The following MTUS1 variants were observed in gnomAD, a reference collection of about 807,000 sequenced individuals.
The protein encoded by MTUS1 is microtubule associated scaffold protein 1.
Under a neutral mutation model 120.8 loss-of-function variants are expected in MTUS1, and 109 were observed. That is an observed-to-expected ratio of 0.90 (90% CI 0.77 to 1.06). MTUS1 has a LOEUF of 1.06. Among genes scored for constraint, MTUS1 ranks in the 50% least tolerant of loss-of-function variants. The probability of loss-of-function intolerance (pLI) is 0.00; values close to 1 mark genes in which losing one functional copy is unlikely to be tolerated. For synonymous variants in MTUS1, 737 were observed against 550.5 expected (o/e 1.34, Z -4.74); for missense variants, 2,210 against 1,486.3 (o/e 1.49, Z -8.01).
intron 1 of MTUS1, among the ~76,000 whole-genome samples, chr8:17,798,803 T>C (rs994638654): frequency 2.0e-5 from 3 of 152,202 alleles, no homozygotes; most frequent in African/African-American, 7.2e-5. Context: ...GGGAAAAGTA[T>C]CTGCAATATG....
At chr8:17,704,856 G>T (rs1388813568) in intron 6 of MTUS1, among the ~76,000 whole-genome samples, 1 of 152,000 alleles carries the variant, frequency 6.6e-6, no homozygotes, top group Non-Finnish European at 1.5e-5. Flanking sequence ...TCTTTGGGTG[G>T]TATGTCCATT....
At chr8:17,692,657 T>C (rs55895639) in intron 6 of MTUS1, among the ~76,000 whole-genome samples, 32,086 of 151,942 alleles carry the variant, frequency 0.21, 3,718 homozygotes, top group East Asian at 0.31. Context: ...AAACAACAGA[T>C]GGGGGTCTAA....
intron 1 of MTUS1, among the ~76,000 whole-genome samples, chr8:17,784,298 T>TG (rs1480588721): frequency 6.6e-6 from 1 of 150,700 alleles, no homozygotes; most frequent in Non-Finnish European, 1.5e-5. Context: ...TACAACTGTT[T>TG]TTTTTTTTTT....
intron 1 of MTUS1, among the ~76,000 whole-genome samples, chr8:17,793,224 C>T (rs1254268295): frequency 6.6e-6 from 1 of 152,142 alleles, no homozygotes; most frequent in African/African-American, 2.4e-5. Flanking sequence ...TGTTCTCAAA[C>T]TGACTCTTCA....
chr8:17,784,329 CTT>C (rs1363614041), intron 1 of MTUS1, among the ~76,000 whole-genome samples: 3 of 129,954 alleles, frequency 2.3e-5, no homozygotes, highest in East Asian at 4.6e-4. Context: ...GAATTTCACT[CTT>C]GTTGCCCAGG....
chr8:17,777,663 G>A (rs1177894697), intron 1 of MTUS1, among the ~76,000 whole-genome samples: 1 of 152,098 alleles, frequency 6.6e-6, no homozygotes, highest in Non-Finnish European at 1.5e-5. Context: ...CTGAGAACCT[G>A]CCAGACACTA....
intron 4 of MTUS1, chr8:17,721,668 TA>T: frequency 2.6e-6 from 4 of 1,523,138 alleles, no homozygotes; most frequent in Non-Finnish European, 3.5e-6. Context: ...AATAAAAATT[TA>T]AGCATGCTTA....
intron 6 of MTUS1, among the ~76,000 whole-genome samples, chr8:17,700,060 A>C (rs1818732728): frequency 1.3e-5 from 2 of 152,238 alleles, no homozygotes. Context: ...TATTTTTAAA[A>C]GTCTTAATTT....
intron 7 of MTUS1, among the ~76,000 whole-genome samples, chr8:17,678,235 T>G (rs1430897668): frequency 6.6e-6 from 1 of 152,222 alleles, no homozygotes; most frequent in Non-Finnish European, 1.5e-5. Context: ...GATACTGATT[T>G]ACTGTTTCTT....
At chr8:17,711,228 T>A (rs1208914831) in intron 6 of MTUS1, among the ~76,000 whole-genome samples, 6 of 152,248 alleles carry the variant, frequency 3.9e-5, no homozygotes, top group African/African-American at 1.4e-4. Context: ...TGACTTCTCC[T>A]GTTTACCTGT....
At chr8:17,661,362 A>T (rs963304906) in intron 8 of MTUS1, among the ~76,000 whole-genome samples, 2 of 152,200 alleles carry the variant, frequency 1.3e-5, no homozygotes, top group African/African-American at 4.8e-5. Context: ...AAGCAGGAAC[A>T]AGATCTGAAC....
intron 1 of MTUS1, among the ~76,000 whole-genome samples, chr8:17,784,831 C>A (rs1190368477): frequency 1.3e-5 from 2 of 151,308 alleles, no homozygotes; most frequent in African/African-American, 4.9e-5. Flanking sequence ...ATCACCCAGG[C>A]TGGAGTACAG....
intron 1 of MTUS1, among the ~76,000 whole-genome samples, chr8:17,800,388 C>G (rs555292590): frequency 1.3e-5 from 2 of 152,216 alleles, no homozygotes; most frequent in Non-Finnish European, 2.9e-5. Flanking sequence ...TCTTAGAACA[C>G]TGACTACTTC....
At chr8:17,679,781 G>C (rs1430910192) in intron 7 of MTUS1, among the ~76,000 whole-genome samples, 2 of 152,182 alleles carry the variant, frequency 1.3e-5, no homozygotes, top group Non-Finnish European at 2.9e-5. Context: ...GGGATTACAG[G>C]TGTGAGCCAC....
chr8:17,798,792 T>C (rs116037877), intron 1 of MTUS1, among the ~76,000 whole-genome samples: 1 of 152,146 alleles, frequency 6.6e-6, no homozygotes, highest in African/African-American at 2.4e-5. Flanking sequence ...AAAGATAAAA[T>C]GGGAAAAGTA....
chr8:17,670,004 A>G (rs55999870), intron 8 of MTUS1, among the ~76,000 whole-genome samples: 6,349 of 152,328 alleles, frequency 0.042, 445 homozygotes, highest in African/African-American at 0.14. Context: ...TGTGGGACTT[A>G]AAACAGCAGC....
At chr8:17,782,153 G>A (rs2050920461) in intron 1 of MTUS1, among the ~76,000 whole-genome samples, 2 of 152,126 alleles carry the variant, frequency 1.3e-5, no homozygotes, top group Admixed American at 6.5e-5. Context: ...ACTCAATGAT[G>A]GGATTTTTTT....
At chr8:17,692,494 G>A (rs531942923) in intron 6 of MTUS1, among the ~76,000 whole-genome samples, 9 of 152,284 alleles carry the variant, frequency 5.9e-5, no homozygotes, top group African/African-American at 2.2e-4. Flanking sequence ...TAGTGAAGCT[G>A]TTAATTCCAT....
At chr8:17,756,064 A>C in intron 1 of MTUS1, 103 bp from the exon 2 acceptor site, 1 of 545,772 alleles carries the variant, frequency 1.8e-6, no homozygotes, top group Non-Finnish European at 2.9e-6. Flanking sequence ...CTTTATGTTC[A>C]CATTTAGACC....
Sources: gnomAD v4.1 joint callset for allele counts (sites outside exome capture counted in the v4.1 genomes callset) on GRCh38, gnomAD v4.1.1 for gene constraint, MANE v1.5 for transcripts, NCBI Gene and HGNC (gene_info 2026-07-23, HGNC 2026-07-21) for gene names.